The following LIPN variants were observed in gnomAD, a reference collection of about 807,000 sequenced individuals.
LIPN encodes lipase member N.
In LIPN, 32 loss-of-function variants were observed where a neutral mutation model predicts 43.7. That is an observed-to-expected ratio of 0.73 (90% CI 0.55 to 0.98). LIPN has a LOEUF of 0.98. Among genes scored for constraint, LIPN ranks in the 50% least tolerant of loss-of-function variants. LIPN has a pLI of 0.00. For synonymous variants in LIPN, 156 were observed against 157.6 expected (o/e 0.99, Z 0.08); for missense variants, 505 against 483.8 (o/e 1.04, Z -0.41).
chr10:88,768,463 G>T (rs938393239), intron 5 of LIPN, among the ~76,000 whole-genome samples: 1 of 151,894 alleles, frequency 6.6e-6, no homozygotes, highest in African/African-American at 2.4e-5. Flanking sequence ...GGGATGAAAT[G>T]AGAATGTTGC....
intron 5 of LIPN, 44 bp downstream of exon 5, chr10:88,766,422 GT>G (rs1564580987): frequency 2.6e-6 from 3 of 1,152,828 alleles, no homozygotes; most frequent in Non-Finnish European, 3.9e-6. Context: ...TTGAGGGTCA[GT>G]TTTCTCAGAG....
intron 4 of LIPN, among the ~76,000 whole-genome samples, chr10:88,765,664 T>C (rs1464305177): frequency 2.6e-5 from 4 of 151,892 alleles, no homozygotes; most frequent in African/African-American, 9.7e-5. Context: ...AATATATATC[T>C]ATATATCCAT....
At chr10:88,767,623 T>C (rs1037596380) in intron 5 of LIPN, among the ~76,000 whole-genome samples, 1 of 108,248 alleles carries the variant, frequency 9.2e-6, no homozygotes, top group Non-Finnish European at 1.8e-5. Flanking sequence ...AGGACTTAGA[T>C]ATGCTCTTAT....
chr10:88,770,621 A>T (rs1843188436), intron 6 of LIPN, among the ~76,000 whole-genome samples: 1 of 151,854 alleles, frequency 6.6e-6, no homozygotes, highest in Non-Finnish European at 1.5e-5. Context: ...CAGTAAGTAC[A>T]AATAGATCCC....
Position 88,778,255 on chromosome 10 carries a change from T to TAGG in LIPN, c.*14_*15insGGA. On this transcript the variant is annotated 3_prime_UTR_variant, in exon 10 of 10. Coordinates refer to ENST00000404459, the MANE Select transcript of LIPN (RefSeq NM_001102469.2). The stretch of plus-strand genomic sequence containing the variant: ...GGCATATTCCTAAATGCAATGCATT[T>TAGG]ACTTTTCAATTAAAAGTTGCTTCCA... The TAGG allele has an allele frequency of 6.4e-7, 1 of 1,572,944 alleles. No individual in the cohort carries two copies. Among genetic ancestry groups the TAGG allele is most frequent in the Non-Finnish European group, 8.7e-7 (1 of 1,153,998 alleles).
intron 3 of LIPN, 41 bp from the exon 4 acceptor site, chr10:88,764,363 CTCTCTT>C (rs777709970): frequency 2.1e-6 from 3 of 1,421,198 alleles, no homozygotes; most frequent in Admixed American, 3.7e-5. Context: ...CTTTCTCTCT[CTCTCTT>C]TCTCTTTCTC....
At chr10:88,775,347 CA>C (rs1843280759) in intron 9 of LIPN, among the ~76,000 whole-genome samples, 184 bp downstream of exon 9, 1 of 151,576 alleles carries the variant, frequency 6.6e-6, no homozygotes, top group African/African-American at 2.4e-5. Flanking sequence ...GAAGCATATA[CA>C]AAGAAACTTA....
chr10:88,764,678 T>A, intron 4 of LIPN, 70 bp downstream of exon 4: 1 of 1,116,900 alleles, frequency 9.0e-7, no homozygotes, highest in Non-Finnish European at 1.3e-6. Flanking sequence ...TGGACGCTAT[T>A]AATGATTATC....
chr10:88,764,289 G>C (rs1342702385), intron 3 of LIPN, 121 bp from the exon 4 acceptor site: 2 of 662,900 alleles, frequency 3.0e-6, no homozygotes, highest in Non-Finnish European at 5.1e-6. Flanking sequence ...GTTTTACCAT[G>C]TGTGTATGTG....
At chr10:88,759,045 A>G (rs1026117219), upstream of LIPN, among the ~76,000 whole-genome samples, 4 of 152,156 alleles carry the variant, frequency 2.6e-5, no homozygotes, top group Non-Finnish European at 5.9e-5. Context: ...AATCAGGGCA[A>G]AACATGCTTG....
rs1006658474 is a variant in LIPN at position 88,771,009 on chromosome 10, A to G, written c.819+18A>G. ...TGAATCAGGTATGTATGATAATTAT[A>G]GGGCCATTTGATACCTTAAGAAATT... On this transcript the variant is annotated intron_variant, in intron 7 of 9. Transcript: ENST00000404459. 1 of 1,548,230 alleles carries G rather than the reference A, an allele frequency of 6.5e-7. No homozygotes were observed. Among genetic ancestry groups the G allele is most frequent in the Non-Finnish European group, 8.8e-7 (1 of 1,142,656 alleles).
chr10:88,767,562 G>A (rs1843123895), intron 5 of LIPN, among the ~76,000 whole-genome samples: 2 of 143,920 alleles, frequency 1.4e-5, no homozygotes, highest in Non-Finnish European at 3.0e-5. Context: ...GGATTCCGGA[G>A]AAATGGTGTA....
At chr10:88,771,823 C>T (rs1843214201) in intron 7 of LIPN, among the ~76,000 whole-genome samples, 1 of 151,216 alleles carries the variant, frequency 6.6e-6, no homozygotes, top group South Asian at 2.1e-4. Flanking sequence ...TTTTGAGGAT[C>T]CCTCATACTC....
At chr10:88,775,039 G>A (rs1455751500) in intron 8 of LIPN, 53 bp from the exon 9 acceptor site, 1 of 1,258,134 alleles carries the variant, frequency 7.9e-7, no homozygotes. Context: ...TTTGCTGTTA[G>A]CTTTCATGAT....
At chr10:88,774,107 A>G (rs1843255043) in intron 7 of LIPN, among the ~76,000 whole-genome samples, 1 of 152,000 alleles carries the variant, frequency 6.6e-6, no homozygotes, top group African/African-American at 2.4e-5. Flanking sequence ...TGGTTTTCTG[A>G]TTTAATCTGT....
chr10:88,765,600 TTCC>T (rs1197673221), intron 4 of LIPN, among the ~76,000 whole-genome samples: 3 of 151,916 alleles, frequency 2.0e-5, no homozygotes, highest in Non-Finnish European at 4.4e-5. Flanking sequence ...GGCCCTTTTG[TTCC>T]TCCTGTCTGA....
At chr10:88,769,250 G>A (rs1843165236) in intron 6 of LIPN, among the ~76,000 whole-genome samples, 1 of 151,810 alleles carries the variant, frequency 6.6e-6, no homozygotes, top group African/African-American at 2.4e-5. Context: ...ATTTAGTCAG[G>A]TAGGTCAATG....
chr10:88,767,144 A>G (rs1843115842), intron 5 of LIPN, among the ~76,000 whole-genome samples: 2 of 151,950 alleles, frequency 1.3e-5, no homozygotes, highest in Non-Finnish European at 2.9e-5. Flanking sequence ...TAAAGTTTCC[A>G]ATTTTAAGAG....
At chr10:88,775,850 C>T (rs1203208023) in intron 9 of LIPN, among the ~76,000 whole-genome samples, 1 of 151,958 alleles carries the variant, frequency 6.6e-6, no homozygotes, top group Non-Finnish European at 1.5e-5. Context: ...ATATTTTAAG[C>T]TATTTACTGG....
Sources: gnomAD v4.1 joint callset for allele counts (sites outside exome capture counted in the v4.1 genomes callset) on GRCh38, gnomAD v4.1.1 for gene constraint, MANE v1.5 for transcripts, NCBI Gene and HGNC (gene_info 2026-07-23, HGNC 2026-07-21) for gene names.